Variants in TANC2 observed in about 807,000 individuals in gnomAD.
The protein encoded by TANC2 is protein TANC2.
A neutral mutation model predicts 210.5 loss-of-function variants in TANC2; 26 were observed. The observed-to-expected ratio is 0.12, with a 90% confidence interval of 0.09 to 0.17. The LOEUF (loss-of-function observed/expected upper bound fraction) is 0.17, where lower values mean the gene tolerates loss of function less well. Among genes scored for constraint, TANC2 ranks in the 10% least tolerant of loss-of-function variants. The pLI, the probability that TANC2 is intolerant of heterozygous loss-of-function variation, is 1.00. For synonymous variants in TANC2, 931 were observed against 967.1 expected, an observed-to-expected ratio of 0.96 and a Z score of 0.69; for missense variants, 2,129 against 2,608.9, an observed-to-expected ratio of 0.82 and a Z score of 4.01.
At chr17:63,398,528 A>G (rs1424448825) in intron 18 of TANC2, among the ~76,000 whole-genome samples, 1 of 151,926 alleles carries the variant, frequency 6.6e-6, no homozygotes, top group African/African-American at 2.4e-5. Flanking sequence ...TTTTATAGGG[A>G]GGAGGAAGGA....
chr17:63,422,897 C>G (rs964685119), exon 28 of TANC2: 1 of 152,224 alleles, frequency 6.6e-6, no homozygotes, highest in African/African-American at 2.4e-5. Context: ...GAGTGTCATA[C>G]TCCACTAAAA....
At chr17:63,166,156 A>G (rs1006121911) in intron 5 of TANC2, among the ~76,000 whole-genome samples, 2 of 152,186 alleles carry the variant, frequency 1.3e-5, no homozygotes, top group Admixed American at 6.5e-5. Context: ...CCAGTTTCCA[A>G]TGGGAGAGAA....
chr17:63,069,485 C>T (rs2036320067), intron 2 of TANC2, among the ~76,000 whole-genome samples: 1 of 152,100 alleles, frequency 6.6e-6, no homozygotes, highest in Non-Finnish European at 1.5e-5. Flanking sequence ...AACCTCACAA[C>T]AGCCTTCAGA....
intron 8 of TANC2, among the ~76,000 whole-genome samples, chr17:63,238,898 C>G (rs926831620): frequency 6.6e-6 from 1 of 152,048 alleles, no homozygotes; most frequent in Admixed American, 6.6e-5. Context: ...ATGAGAACTA[C>G]CTCACTATCA....
chr17:63,219,500 T>G (rs977597164), intron 7 of TANC2, among the ~76,000 whole-genome samples: 1 of 152,160 alleles, frequency 6.6e-6, no homozygotes, highest in Non-Finnish European at 1.5e-5. Context: ...TCCCTCCACC[T>G]CCCAGGTTCA....
intron 4 of TANC2, among the ~76,000 whole-genome samples, chr17:63,138,417 A>G (rs958996237): frequency 6.6e-6 from 1 of 152,224 alleles, no homozygotes; most frequent in Non-Finnish European, 1.5e-5. Flanking sequence ...ATAGGCTGAA[A>G]TTGAGCTTGA....
At chr17:63,241,983 T>G (rs1323762208) in intron 8 of TANC2, among the ~76,000 whole-genome samples, 1 of 152,210 alleles carries the variant, frequency 6.6e-6, no homozygotes, top group Non-Finnish European at 1.5e-5. Flanking sequence ...GTGTGGTGCA[T>G]AGACAGTGCC....
chr17:63,423,757 GTC>G (rs1287733774), exon 28 of TANC2: 1 of 152,196 alleles, frequency 6.6e-6, no homozygotes, highest in African/African-American at 2.4e-5. Flanking sequence ...GCCAGGACTT[GTC>G]TCTGTGCTGA....
intron 11 of TANC2, among the ~76,000 whole-genome samples, chr17:63,333,605 G>A (rs373691067): frequency 2.0e-4 from 31 of 152,274 alleles, no homozygotes; most frequent in East Asian, 9.6e-4. Flanking sequence ...CATATACTTC[G>A]TTGATAAAGT....
At chr17:62,991,646 AAAAAAAAC>A (rs1253960872) in intron 1 of TANC2, among the ~76,000 whole-genome samples, 3 of 151,928 alleles carry the variant, frequency 2.0e-5, no homozygotes, top group African/African-American at 7.2e-5. Flanking sequence ...TCTCAAAAAA[AAAAAAAAC>A]AAAAAAACAA....
intron 4 of TANC2, among the ~76,000 whole-genome samples, chr17:63,099,583 C>G (rs1352603771): frequency 6.6e-6 from 1 of 152,022 alleles, no homozygotes; most frequent in Non-Finnish European, 1.5e-5. Flanking sequence ...AATGACCCAT[C>G]TGTTGTGAAC....
At position 63,420,222 on chromosome 17, in the gene TANC2, G is replaced by A; in HGVS notation, c.4492G>A (p.Glu1498Lys). ...CTCTGTACAGGATATATTCGAGGAG[G>A]AGTACCTGGAACAGGATGTTGAAAA... The change falls in exon 28 of 28, where the codon GAG becomes AAG. Residue 1498 changes from glutamate (E) to lysine (K), a missense_variant. Transcript: ENST00000689528. The surrounding 1 kb of genome is among the most constrained non-coding windows in gnomAD (Gnocchi z 4.2). 1.2e-6 allele frequency: 2 copies of A among 1,611,402 alleles called. No homozygotes were observed. Among genetic ancestry groups the A allele is most frequent in the Non-Finnish European group, 1.7e-6 (2 of 1,178,758 alleles).
At chr17:63,016,242 A>G (rs901506172) in intron 2 of TANC2, among the ~76,000 whole-genome samples, 2 of 152,222 alleles carry the variant, frequency 1.3e-5, no homozygotes, top group Admixed American at 6.5e-5. Context: ...CCACATTATT[A>G]TATGTTGAAA....
intron 6 of TANC2, 71 bp downstream of exon 6, chr17:63,194,210 T>G: frequency 6.8e-7 from 1 of 1,474,908 alleles, no homozygotes; most frequent in Non-Finnish European, 9.1e-7. Flanking sequence ...TAATCCCAAT[T>G]GTTGAATGCC....
chr17:63,113,557 G>A (rs1360988414), intron 4 of TANC2, among the ~76,000 whole-genome samples: 1 of 152,150 alleles, frequency 6.6e-6, no homozygotes, highest in Non-Finnish European at 1.5e-5. Flanking sequence ...ACCCAGACTG[G>A]AGTGTGGTGG....
chr17:63,237,490 G>C (rs1023809526), intron 7 of TANC2, among the ~76,000 whole-genome samples: 1 of 151,858 alleles, frequency 6.6e-6, no homozygotes, highest in Admixed American at 6.6e-5. Flanking sequence ...GCCTGTTTTT[G>C]TTTTTGTTGC....
chr17:63,121,319 G>A (rs1190099028), intron 4 of TANC2, among the ~76,000 whole-genome samples: 1 of 152,094 alleles, frequency 6.6e-6, no homozygotes. Flanking sequence ...GATGAATGAA[G>A]TAGTGCATTT....
At chr17:63,286,009 T>C (rs756825407) in intron 9 of TANC2, among the ~76,000 whole-genome samples, 2 of 152,200 alleles carry the variant, frequency 1.3e-5, no homozygotes, top group African/African-American at 4.8e-5. Context: ...AGACCTGTTA[T>C]ATTAATTATT....
intron 9 of TANC2, among the ~76,000 whole-genome samples, chr17:63,273,576 A>G (rs1037284170): frequency 5.9e-5 from 9 of 152,174 alleles, no homozygotes; most frequent in Admixed American, 2.0e-4. Context: ...TGACTTTGCA[A>G]ACTCCAAGAA....
Sources: allele counts gnomAD v4.1 joint callset (sites outside exome capture counted in the v4.1 genomes callset), GRCh38; gene constraint gnomAD v4.1.1; non-coding constraint Gnocchi (gnomAD v3.1); transcripts MANE v1.5; gene names NCBI Gene and HGNC (gene_info 2026-07-23, HGNC 2026-07-21).